Variants in ROBO1 observed in about 807,000 individuals in gnomAD.
ROBO1 encodes the protein roundabout homolog 1.
ROBO1 carries 149 observed loss-of-function variants against 195.9 expected under a neutral mutation model. The ratio of observed to expected loss-of-function variants is 0.76; its 90% CI spans 0.67 to 0.87. The LOEUF is 0.87. Ranked by LOEUF, ROBO1 falls within the 40% of genes least tolerant of loss-of-function variation. The pLI, the probability that ROBO1 is intolerant of heterozygous loss-of-function variation, is 0.00. For synonymous variants in ROBO1, 816 were observed against 733.2 expected (o/e 1.11, Z -1.82); for missense variants, 1,933 against 2,068.3 (o/e 0.93, Z 1.27).
At chr3:79,168,766 A>T (rs1462760194) in intron 2 of ROBO1, among the ~76,000 whole-genome samples, 1 of 152,178 alleles carries the variant, frequency 6.6e-6, no homozygotes, top group Non-Finnish European at 1.5e-5. Flanking sequence ...ACAGGAGTAG[A>T]TAATATATCA....
At chr3:79,666,333 C>T (rs1946474615) in intron 1 of ROBO1, among the ~76,000 whole-genome samples, 1 of 151,946 alleles carries the variant, frequency 6.6e-6, no homozygotes, top group Admixed American at 6.6e-5. Context: ...ATAACTTGAA[C>T]TCCTTCTCTT....
intron 10 of ROBO1, among the ~76,000 whole-genome samples, chr3:78,671,816 G>A (rs921277429): frequency 6.6e-6 from 1 of 151,970 alleles, no homozygotes; most frequent in Non-Finnish European, 1.5e-5. Flanking sequence ...TTTAAATTTG[G>A]TAGTCTTATC....
intron 3 of ROBO1, among the ~76,000 whole-genome samples, chr3:78,948,510 A>G (rs1310505197): frequency 6.6e-6 from 1 of 152,020 alleles, no homozygotes; most frequent in East Asian, 1.9e-4. Flanking sequence ...TGATGGGACA[A>G]ATCTCAAAAT....
chr3:79,161,604 G>C (rs1375107116), intron 2 of ROBO1, among the ~76,000 whole-genome samples: 1 of 152,068 alleles, frequency 6.6e-6, no homozygotes, highest in Non-Finnish European at 1.5e-5. Context: ...ACAAGCTATA[G>C]AAAAAGTTGA....
intron 4 of ROBO1, among the ~76,000 whole-genome samples, chr3:78,811,767 C>T (rs754968415): frequency 6.6e-6 from 1 of 152,122 alleles, no homozygotes; most frequent in Non-Finnish European, 1.5e-5. Context: ...TAGCTAACTC[C>T]TATTTGTTAT....
At position 79,107,160 on chromosome 3, in the gene ROBO1, C is replaced by CACACACACACACAT. The variant is rs1559663881; in HGVS notation, c.172+18295_172+18296insATGTGTGTGTGTGT. On this transcript the variant is annotated intron_variant, in intron 3 of 30. Coordinates refer to ENST00000464233, the MANE Select transcript of ROBO1 (RefSeq NM_002941.4). ...ACACACACACACACACACACACACACACCACTTGGCAAAGGATAATTACAG... is the reference window on the plus strand; with the variant it reads ...ACACACACACACACACACACACACACACACACACACACATACCACTTGGCAAAGGATAATTACAG... Among the ~76,000 whole-genome samples, 10 of 150,420 alleles carry CACACACACACACAT rather than the reference C, an allele frequency of 6.6e-5. 1 individual carries two copies. The highest frequency in any genetic ancestry group is 2.4e-4 in the African/African-American group (10 of 41,034).
intron 10 of ROBO1, among the ~76,000 whole-genome samples, chr3:78,684,465 T>C (rs1361467049): frequency 6.6e-6 from 1 of 152,150 alleles, no homozygotes; most frequent in African/African-American, 2.4e-5. Flanking sequence ...GGTCACGACA[T>C]GAATAAATTC....
chr3:79,001,484 A>G (rs2077503883), intron 3 of ROBO1, among the ~76,000 whole-genome samples: 1 of 152,030 alleles, frequency 6.6e-6, no homozygotes, highest in African/African-American at 2.4e-5. Flanking sequence ...CTTTGTGTGT[A>G]GTGACCATAA....
chr3:79,410,647 G>T (rs2037729296), intron 2 of ROBO1, among the ~76,000 whole-genome samples: 1 of 148,662 alleles, frequency 6.7e-6, no homozygotes, highest in South Asian at 2.2e-4. Context: ...GAAGGAAGGG[G>T]TGGAGAGAGG....
intron 2 of ROBO1, among the ~76,000 whole-genome samples, chr3:79,142,918 G>A (rs1054246234): frequency 2.0e-5 from 3 of 152,110 alleles, no homozygotes; most frequent in African/African-American, 7.2e-5. Context: ...TGCAACCCTT[G>A]TAAATGGAGA....
intron 28 of ROBO1, 62 bp downstream of exon 28, chr3:78,614,586 C>T (rs1252556771): frequency 7.0e-6 from 11 of 1,565,560 alleles, no homozygotes; most frequent in Middle Eastern, 2.0e-4. Context: ...TTTGCTAGTC[C>T]TAGAGAGGCA....
At chr3:79,690,856 A>G (rs1024023546) in intron 1 of ROBO1, among the ~76,000 whole-genome samples, 7 of 151,868 alleles carry the variant, frequency 4.6e-5, no homozygotes. Flanking sequence ...TCCCAAGTAC[A>G]TATCCTTGTG....
chr3:79,670,811 A>G (rs1946610769), intron 1 of ROBO1, among the ~76,000 whole-genome samples: 1 of 151,876 alleles, frequency 6.6e-6, no homozygotes, highest in African/African-American at 2.4e-5. Flanking sequence ...TGCTAATGTT[A>G]GAAAGTCATT....
chr3:78,655,578 A>G (rs985122167), intron 18 of ROBO1, among the ~76,000 whole-genome samples: 3 of 152,200 alleles, frequency 2.0e-5, no homozygotes, highest in East Asian at 3.8e-4. Context: ...TAGGACAGAA[A>G]TTCTGCAAGT....
intron 1 of ROBO1, among the ~76,000 whole-genome samples, chr3:79,625,423 GAAAAAAAAAAA>G: frequency 7.2e-5 from 1 of 13,876 alleles, no homozygotes; most frequent in East Asian, 3.2e-3. Context: ...TGTTTTTTTT[GAAAAAAAAAAA>G]AAAAAAAAAA....
At chr3:79,051,256 C>A (rs2078692349) in intron 3 of ROBO1, among the ~76,000 whole-genome samples, 1 of 152,092 alleles carries the variant, frequency 6.6e-6, no homozygotes, top group Non-Finnish European at 1.5e-5. Context: ...AATAAAACTG[C>A]CATCAGAGAA....
At chr3:79,583,131 T>C (rs995800966) in intron 2 of ROBO1, among the ~76,000 whole-genome samples, 1 of 152,032 alleles carries the variant, frequency 6.6e-6, no homozygotes, top group Admixed American at 6.6e-5. Flanking sequence ...AAAATACTTA[T>C]GGATAGTGGT....
At chr3:79,037,924 A>C (rs1046314081) in intron 3 of ROBO1, among the ~76,000 whole-genome samples, 1 of 152,180 alleles carries the variant, frequency 6.6e-6, no homozygotes, top group Admixed American at 6.6e-5. Context: ...TGAACACTTT[A>C]CTTTGCAGAA....
intron 2 of ROBO1, among the ~76,000 whole-genome samples, chr3:79,490,918 T>A (rs1174041921): frequency 6.6e-6 from 1 of 152,140 alleles, no homozygotes; most frequent in Non-Finnish European, 1.5e-5. Flanking sequence ...TCAGTAATTT[T>A]AAACTCCCAG....
Sources: gnomAD v4.1 joint callset for allele counts (sites outside exome capture counted in the v4.1 genomes callset) on GRCh38, gnomAD v4.1.1 for gene constraint, MANE v1.5 for transcripts, NCBI Gene and HGNC (gene_info 2026-07-23, HGNC 2026-07-21) for gene names.